Variants in TROAP observed in about 807,000 individuals in gnomAD.
The protein encoded by TROAP is trophinin associated protein, also known as tastin.
A neutral mutation model predicts 83.4 loss-of-function variants in TROAP; 62 were observed. The ratio of observed to expected loss-of-function variants is 0.74; its 90% CI spans 0.61 to 0.92. The LOEUF (loss-of-function observed/expected upper bound fraction) is 0.92, where lower values mean the gene tolerates loss of function less well. TROAP is among the 40% of genes least tolerant of loss of function. The pLI is 0.00. For synonymous variants in TROAP, 352 were observed against 386.4 expected, an observed-to-expected ratio of 0.91 and a Z score of 1.04; for missense variants, 876 against 985.1, an observed-to-expected ratio of 0.89 and a Z score of 1.48.
chr12:49,323,484 G>T, intron 1 of TROAP, 120 bp from the exon 2 acceptor site: 7 of 1,379,160 alleles, frequency 5.1e-6, no homozygotes, highest in Non-Finnish European at 5.9e-6. Context: ...TGCAGGCGCC[G>T]GGGGCTTGTG....
In TROAP at chr12:49,323,700, C is replaced by T. The variant is rs1392619393; in HGVS notation, c.92C>T (p.Pro31Leu). 3.2e-5 allele frequency: 52 copies of T among 1,614,056 alleles called. No homozygotes were observed. In the Admixed American group the frequency reaches 8.3e-4, roughly 26 times the overall value. Residue 31 changes from proline (P) to leucine (L), a missense_variant, in exon 2 of 15, where the codon CCT becomes CTT. Pro to Leu is a moderately conservative substitution (Grantham distance 98). This residue lies in a region of TROAP where 689 missense variants were observed against 722.6 expected (regional missense o/e 0.95). Coordinates refer to ENST00000257909, the MANE Select transcript of TROAP (RefSeq NM_005480.4). ...CCGGTACGCTCTCAGAAACGCACGC[C>T]TTTCCCCACTGTTACATCGTGCGCC... Reference protein sequence around the residue: ...KIPVRSQKRTPFPTVTSCAVD... With the variant: ...KIPVRSQKRTLFPTVTSCAVD...
At chr12:49,323,445 T>C in intron 1 of TROAP, 96 bp downstream of exon 1, 1 of 915,914 alleles carries the variant, frequency 1.1e-6, no homozygotes, top group Non-Finnish European at 1.6e-6. Context: ...GCTCGGGGTG[T>C]CTGGAGATAG....
rs1943545843 is a variant in TROAP at position 49,329,341 on chromosome 12, G to A, written c.1105-54G>A. 3.1e-6 allele frequency: 5 copies of A among 1,612,922 alleles called. No individual in the cohort carries two copies. The highest frequency in any genetic ancestry group is 1.7e-5 in the Admixed American group (1 of 59,990). On this transcript the variant is annotated intron_variant, in intron 10 of 14. Coordinates refer to ENST00000257909, the MANE Select transcript of TROAP (RefSeq NM_005480.4). The surrounding 1 kb of genome is among the most constrained non-coding windows in gnomAD (Gnocchi z 4.5). Reference sequence around the variant, plus strand: ...AGAGAGAAGACAGAAGCAAGGGGAGGCTGAGTGCCATCTGTGGGTGTCAGC... The same window carrying A: ...AGAGAGAAGACAGAAGCAAGGGGAGACTGAGTGCCATCTGTGGGTGTCAGC...
intron 6 of TROAP, among the ~76,000 whole-genome samples, 162 bp downstream of exon 6, chr12:49,326,320 G>A (rs574652510): frequency 6.6e-6 from 1 of 152,324 alleles, no homozygotes; most frequent in South Asian, 2.1e-4. Context: ...GAGCCCTTGG[G>A]ATAGGGTTCA....
Position 49,330,784 on chromosome 12 carries a change from T to G in TROAP, c.1939T>G (p.Cys647Gly), listed in dbSNP as rs767617362. ...GGTAGAGCTGGGGGCATCAGAGCCCTGCACCCTGGAACATAGAAGTCTAGA... is the reference window on the plus strand; with the variant it reads ...GGTAGAGCTGGGGGCATCAGAGCCCGGCACCCTGGAACATAGAAGTCTAGA... The part of the protein sequence containing the change: ...PRVELGASEP[C>G]TLEHRSLESS... The change falls in exon 13 of 15, where the codon TGC becomes GGC. Residue 647 changes from cysteine to glycine, a missense_variant. Coordinates refer to ENST00000257909, the MANE Select transcript of TROAP (RefSeq NM_005480.4). 6.2e-6 allele frequency: 10 copies of G among 1,614,042 alleles called. No individual in the cohort carries two copies. The East Asian group carries it at 8.9e-5, about 14-fold the overall frequency.
In TROAP at chr12:49,329,273, C is replaced by T. The variant is rs1943545058; in HGVS notation, c.1104+29C>T. The T allele has an allele frequency of 6.2e-7, 1 of 1,613,662 alleles. No individual in the cohort carries two copies. The highest frequency in any genetic ancestry group is 8.5e-7 in the Non-Finnish European group (1 of 1,179,666). On this transcript the variant is annotated intron_variant, in intron 10 of 14. Coordinates refer to ENST00000257909, the MANE Select transcript of TROAP (RefSeq NM_005480.4). The surrounding 1 kb of genome is among the most constrained non-coding windows in gnomAD (Gnocchi z 4.5). Reference sequence around the variant, plus strand: ...AGAGAGGGCATGGAGAGGTGGCTGGCATAAGTCACAGCTAGGGGAGAAAGG... The same window carrying T: ...AGAGAGGGCATGGAGAGGTGGCTGGTATAAGTCACAGCTAGGGGAGAAAGG...
Position 49,325,801 on chromosome 12 carries a change from C to T in TROAP, c.550C>T (p.Pro184Ser), listed in dbSNP as rs140223921. ...APRTPTHRLDPARASCFSRLE... is the reference protein window; with the variant it reads ...APRTPTHRLDSARASCFSRLE... ...CAGAACCCCCACCCACCGACTGGAC[C>T]CTGCCAGGGCTTCCTGCTTCTCTAG... is the stretch of plus-strand genomic sequence containing the variant. The change falls in exon 5 of 15, where the codon CCT becomes TCT. Residue 184 changes from proline to serine, a missense_variant. Around this residue, in one of 3 missense-constraint regions of TROAP, gnomAD observed 689 missense variants for 722.6 expected, o/e 0.95. Transcript: ENST00000257909. The T allele has an allele frequency of 3.5e-4, 561 of 1,614,106 alleles. No individual in the cohort carries two copies. In the African/African-American group the frequency reaches 6.8e-3, roughly 19 times the overall value.
rs1310330279 is a variant in TROAP, at chr12:49,324,912, T to TC, written c.338-589_338-588insC. ...CCAGCTAATTTTTGTTTTCTTTCTT[T>TC]TTTTTTTTTTTTTTTTTGAGACAGA... On this transcript the variant is annotated intron_variant, in intron 3 of 14. Coordinates refer to ENST00000257909, the MANE Select transcript of TROAP (RefSeq NM_005480.4). Among the ~76,000 whole-genome samples, 531 of 141,274 alleles carry TC rather than the reference T, an allele frequency of 3.8e-3. 2 individuals carry two copies. The highest frequency in any genetic ancestry group is 0.01 in the Middle Eastern group (3 of 286). The allele number at this position is 141,274 out of a possible 152,430, so 92.7% of individuals were successfully genotyped here. A position where few individuals can be genotyped will look rare whatever the true frequency, so the allele number is the denominator to read the frequency against.
In TROAP at chr12:49,326,104, C is replaced by A; in HGVS notation, c.662C>A (p.Pro221His). ...TCACCTTCAGGACCTTCCTTTCACC[C>A]TTCCACTCGCCCCAGTTTCCAGGAG... ...LISPSGPSFH[P>H]STRPSFQELR... Residue 221 changes from proline (P) to histidine (H), a missense_variant, in exon 6 of 15, where the codon CCT becomes CAT. Pro to His is a moderately conservative substitution (Grantham distance 77). Around this residue, in one of 3 missense-constraint regions of TROAP, gnomAD observed 689 missense variants for 722.6 expected, o/e 0.95. Transcript: ENST00000257909. The A allele has an allele frequency of 6.2e-7, 1 of 1,613,978 alleles. No homozygotes were observed. Among genetic ancestry groups the A allele is most frequent in the Non-Finnish European group, 8.5e-7 (1 of 1,180,038 alleles).
Position 49,329,710 on chromosome 12 carries a change from C to T in TROAP, c.1165-147C>T. The T allele has an allele frequency of 3.9e-6, 5 of 1,283,154 alleles. No homozygotes were observed. Among genetic ancestry groups the T allele is most frequent in the Middle Eastern group, 2.8e-4 (1 of 3,592 alleles). 79.5% of individuals were successfully genotyped at this position (1,283,154 alleles called of 1,614,324 possible). ...TGCTCTCTGGAAAAGCTGCCTAACT[C>T]TCACTGCTTCTCTGCTGCCCCTCCT... On this transcript the variant is annotated intron_variant, in intron 11 of 14. Transcript: ENST00000257909. The surrounding 1 kb of genome is among the most constrained non-coding windows in gnomAD (Gnocchi z 4.5).
chr12:49,325,373 A>AT, intron 3 of TROAP, 128 bp from the exon 4 acceptor site: 1 of 1,061,842 alleles, frequency 9.4e-7, no homozygotes, highest in South Asian at 1.9e-5. Flanking sequence ...TCTTAAAAAA[A>AT]AAAAAAAAAA....
At chr12:49,327,801 A>G (rs962677841) in intron 8 of TROAP, among the ~76,000 whole-genome samples, 15 of 152,152 alleles carry the variant, frequency 9.9e-5, no homozygotes, top group African/African-American at 3.6e-4. Context: ...AATAATAATA[A>G]TAATAATAAG....
intron 8 of TROAP, among the ~76,000 whole-genome samples, 199 bp downstream of exon 8, chr12:49,327,529 G>A (rs1319967325): frequency 1.3e-5 from 2 of 152,166 alleles, no homozygotes; most frequent in East Asian, 3.9e-4. Flanking sequence ...GATGTCTGGG[G>A]CCTAGGGTGA....
chr12:49,328,721 G>A lies in TROAP; in HGVS notation c.892-206G>A, dbSNP rs553930158. ...CTACTAAATATACAAAAAATTAGCC[G>A]GGCATGGTGGCGGGCACCTGTAGTC... is the stretch of plus-strand genomic sequence containing the variant. On this transcript the variant is annotated intron_variant, in intron 8 of 14. Coordinates refer to ENST00000257909, the MANE Select transcript of TROAP (RefSeq NM_005480.4). Among the ~76,000 whole-genome samples, 19 of 152,136 alleles carry A rather than the reference G, an allele frequency of 1.2e-4. No homozygotes were observed. The East Asian group carries it at 2.9e-3, about 23-fold the overall frequency.
rs1323112012 is a variant in TROAP at position 49,331,207 on chromosome 12, C to T, written c.2099-7C>T. 1 of 1,614,058 alleles carries T rather than the reference C, an allele frequency of 6.2e-7. No individual in the cohort carries two copies. The highest frequency in any genetic ancestry group is 1.3e-5 in the African/African-American group (1 of 75,016). ...AGACCTCCCTCTAAATTTTCCATGC[C>T]CCTCAGGCCTCAGCAATCTGGCCCC... On this transcript the variant is annotated splice_polypyrimidine_tract_variant and splice_region_variant and intron_variant, in intron 13 of 14. Coordinates refer to ENST00000257909, the MANE Select transcript of TROAP (RefSeq NM_005480.4).
Position 49,330,182 on chromosome 12 carries a change from T to C in TROAP, c.1337T>C (p.Val446Ala). 1 of 1,613,976 alleles carries C rather than the reference T, an allele frequency of 6.2e-7. No homozygotes were observed. Among genetic ancestry groups the C allele is most frequent in the Non-Finnish European group, 8.5e-7 (1 of 1,179,902 alleles). The change falls in exon 13 of 15, where the codon GTA becomes GCA. Residue 446 changes from valine (V) to alanine (A), a missense_variant. By Grantham distance (64) the Val-to-Ala change is moderately conservative. Coordinates refer to ENST00000257909, the MANE Select transcript of TROAP (RefSeq NM_005480.4). ...GILQQLLRQE[V>A]EGLVGGQCVP... The stretch of plus-strand genomic sequence containing the variant: ...CTGCAACAGCTGTTGAGACAGGAAG[T>C]AGAGGGGCTGGTAGGGGGCCAGTGT...
chr12:49,330,150 C>T lies in TROAP; in HGVS notation c.1305C>T (p.Ile435=), dbSNP rs1267570593. 4.3e-6 allele frequency: 7 copies of T among 1,613,334 alleles called. No homozygotes were observed. The highest frequency in any genetic ancestry group is 3.4e-6 in the Non-Finnish European group (4 of 1,179,628). ...GGTGCTCTCTCCCACCACAGCGCAT[C>T]GGTATCCTGCAACAGCTGTTGAGAC... ...PSLQEVKIQR[I]GILQQLLRQE... is the part of the protein sequence containing the mutation. The change falls in exon 13 of 15, where the codon ATC becomes ATT. Residue 435 remains isoleucine, a synonymous_variant. Transcript: ENST00000257909.
chr12:49,325,646 C>A lies in TROAP; in HGVS notation c.483C>A (p.Thr161=). Residue 161 remains threonine, a synonymous_variant, in exon 4 of 15, where the codon ACC becomes ACA. Coordinates refer to ENST00000257909, the MANE Select transcript of TROAP (RefSeq NM_005480.4). Reference sequence around the variant, plus strand: ...TTCGAGGAAGTCAGGGAGGCACCACCCAGAGGGTCCAGGTAATGAAACAGG... The same window carrying A: ...TTCGAGGAAGTCAGGGAGGCACCACACAGAGGGTCCAGGTAATGAAACAGG... ...VLVRGSQGGT[T]QRVQGVRASA... 1 of 1,613,618 alleles carries A rather than the reference C, an allele frequency of 6.2e-7. No homozygotes were observed. The highest frequency in any genetic ancestry group is 8.5e-7 in the Non-Finnish European group (1 of 1,180,006).
intron 3 of TROAP, among the ~76,000 whole-genome samples, chr12:49,325,209 G>A (rs766780785): frequency 4.6e-5 from 7 of 151,278 alleles, no homozygotes; most frequent in Non-Finnish European, 1.0e-4. Flanking sequence ...GTGAGCTACC[G>A]CACCCAGCCA....
Sources: gnomAD v4.1 joint callset for allele counts (sites outside exome capture counted in the v4.1 genomes callset) on GRCh38, gnomAD v4.1.1 for gene constraint, gnomAD v4.1.1 regional missense constraint, Gnocchi (gnomAD v3.1) non-coding constraint, MANE v1.5 for transcripts, NCBI Gene and HGNC (gene_info 2026-07-23, HGNC 2026-07-21) for gene names.